Variants in CPNE4 observed in about 807,000 individuals in gnomAD.
The protein encoded by CPNE4 is copine 4, also known as copine-4.
CPNE4 carries 25 observed loss-of-function variants against 67.9 expected under a neutral mutation model. The observed-to-expected ratio is 0.37, with a 90% CI of 0.27 to 0.51. The LOEUF is 0.51. CPNE4 is among the 20% of genes least tolerant of loss of function. The pLI is 0.93. For synonymous variants in CPNE4, 242 were observed against 244.9 expected, an observed-to-expected ratio of 0.99 and a Z score of 0.11; for missense variants, 464 against 690.8, an observed-to-expected ratio of 0.67 and a Z score of 3.68.
chr3:131,798,514 A>G (rs1303093273), intron 2 of CPNE4, among the ~76,000 whole-genome samples: 1 of 152,200 alleles, frequency 6.6e-6, no homozygotes, highest in African/African-American at 2.4e-5. Context: ...TCTAAGTCTG[A>G]TGTTAAATGT....
At chr3:131,814,357 T>A (rs1273542209) in intron 2 of CPNE4, among the ~76,000 whole-genome samples, 1 of 151,928 alleles carries the variant, frequency 6.6e-6, no homozygotes, top group African/African-American at 2.4e-5. Context: ...AAAACAGCAC[T>A]CTAGAGGGTC....
At chr3:131,720,284 GTTTTTTTTT>G (rs60028328) in intron 3 of CPNE4, among the ~76,000 whole-genome samples, 1 of 107,966 alleles carries the variant, frequency 9.3e-6, no homozygotes, top group African/African-American at 3.3e-5. Context: ...ACAGGAATGG[GTTTTTTTTT>G]TTTTTTTTTT....
At chr3:131,777,964 A>G (rs1187814928) in intron 2 of CPNE4, among the ~76,000 whole-genome samples, 2 of 152,078 alleles carry the variant, frequency 1.3e-5, no homozygotes, top group African/African-American at 2.4e-5. Context: ...CTGATTCTGT[A>G]TGATTCTGAC....
chr3:131,937,016 G>A (rs369967796), intron 1 of CPNE4, among the ~76,000 whole-genome samples: 2 of 151,868 alleles, frequency 1.3e-5, no homozygotes, highest in African/African-American at 4.8e-5. Context: ...AAAGATTAGA[G>A]AGACAATGAA....
intron 2 of CPNE4, among the ~76,000 whole-genome samples, chr3:131,736,103 T>C (rs1235603830): frequency 6.6e-6 from 1 of 152,208 alleles, no homozygotes; most frequent in East Asian, 1.9e-4. Context: ...CACACAGCTT[T>C]GTTCAGGCAT....
intron 1 of CPNE4, among the ~76,000 whole-genome samples, chr3:131,920,486 G>C (rs1403550125): frequency 6.6e-6 from 1 of 152,116 alleles, no homozygotes; most frequent in Non-Finnish European, 1.5e-5. Context: ...AAGGATCAAG[G>C]ACTGTTTGAC....
chr3:131,921,644 C>T (rs977129173), intron 1 of CPNE4, among the ~76,000 whole-genome samples: 11 of 152,158 alleles, frequency 7.2e-5, no homozygotes, highest in Non-Finnish European at 1.0e-4. Flanking sequence ...TTGGTTTCCT[C>T]ATCTGCAGAA....
At chr3:131,599,345 T>C (rs76358866) in intron 7 of CPNE4, among the ~76,000 whole-genome samples, 4,278 of 152,292 alleles carry the variant, frequency 0.028, 67 homozygotes, top group Middle Eastern at 0.051. Context: ...TTGATTATTG[T>C]CCCTTAATTT....
chr3:131,803,732 C>T (rs1221643903), intron 2 of CPNE4, among the ~76,000 whole-genome samples: 2 of 152,156 alleles, frequency 1.3e-5, no homozygotes, highest in African/African-American at 4.8e-5. Context: ...ATGTTTATTG[C>T]AGCACTATTT....
Position 131,876,239 on chromosome 3 carries a change from A to AAAATAAAT in CPNE4, c.180+29017_180+29024dup, listed in dbSNP as rs60812638. Among the ~76,000 whole-genome samples the AAAATAAAT allele has an allele frequency of 6.6e-3, 919 of 139,768 alleles. 9 individuals carry two copies. Among genetic ancestry groups the AAAATAAAT allele is most frequent in the African/African-American group, 9.8e-3 (376 of 38,194 alleles). The allele number at this position is 139,768 out of a possible 152,430, so 91.7% of individuals were successfully genotyped here. A position where few individuals can be genotyped will look rare whatever the true frequency, so the allele number is the denominator to read the frequency against. ...GGGCAACAGAGCAAGACTCGGTCTC[A>AAAATAAAT]AAATAAATAAATAAATAAATAAATA... On this transcript the variant is annotated intron_variant, in intron 2 of 15. Coordinates refer to ENST00000429747, the MANE Select transcript of CPNE4 (RefSeq NM_130808.3).
intron 2 of CPNE4, among the ~76,000 whole-genome samples, chr3:131,771,919 A>G (rs2083176553): frequency 6.6e-6 from 1 of 152,118 alleles, no homozygotes; most frequent in Non-Finnish European, 1.5e-5. Flanking sequence ...TTGTTTGAGC[A>G]CACACACATT....
At chr3:132,001,147 T>C (rs1172854084) in intron 1 of CPNE4, among the ~76,000 whole-genome samples, 1 of 151,986 alleles carries the variant, frequency 6.6e-6, no homozygotes, top group Non-Finnish European at 1.5e-5. Context: ...ATCTGAATAT[T>C]ATCACTGATC....
chr3:131,838,227 A>T (rs1393993344), intron 2 of CPNE4, among the ~76,000 whole-genome samples: 2 of 152,064 alleles, frequency 1.3e-5, no homozygotes, highest in Non-Finnish European at 2.9e-5. Context: ...TGACAAAATT[A>T]TAAGACATTC....
chr3:131,832,375 C>T (rs1197259267), intron 2 of CPNE4, among the ~76,000 whole-genome samples: 1 of 152,124 alleles, frequency 6.6e-6, no homozygotes, highest in Admixed American at 6.5e-5. Context: ...TCATCTACCT[C>T]ATGGTTTCAA....
chr3:131,747,242 T>C (rs183977784), intron 2 of CPNE4, among the ~76,000 whole-genome samples: 1 of 152,218 alleles, frequency 6.6e-6, no homozygotes, highest in Non-Finnish European at 1.5e-5. Context: ...CTCTTTGTTC[T>C]GTTGATTGAT....
intron 1 of CPNE4, among the ~76,000 whole-genome samples, chr3:131,917,707 T>A (rs2070606186): frequency 6.6e-6 from 1 of 152,090 alleles, no homozygotes; most frequent in South Asian, 2.1e-4. Context: ...AGACACAAGA[T>A]CTCTCCACTA....
At chr3:131,679,691 A>T (rs2080687358) in intron 6 of CPNE4, among the ~76,000 whole-genome samples, 1 of 152,062 alleles carries the variant, frequency 6.6e-6, no homozygotes. Flanking sequence ...ATTTACCCCA[A>T]AATCATTCAG....
intron 2 of CPNE4, 97 bp from the exon 3 acceptor site, chr3:131,723,722 C>G: frequency 2.7e-6 from 3 of 1,096,794 alleles, no homozygotes; most frequent in Non-Finnish European, 4.0e-6. Flanking sequence ...TCTTCCCAAC[C>G]ATAAATGCTC....
intron 2 of CPNE4, among the ~76,000 whole-genome samples, chr3:131,857,466 G>A (rs1197161473): frequency 2.0e-5 from 3 of 151,916 alleles, no homozygotes; most frequent in Non-Finnish European, 2.9e-5. Context: ...CTAAACAGTA[G>A]GATGCAGTAA....
Sources: gnomAD v4.1 joint callset for allele counts (sites outside exome capture counted in the v4.1 genomes callset) on GRCh38, gnomAD v4.1.1 for gene constraint, MANE v1.5 for transcripts, NCBI Gene and HGNC (gene_info 2026-07-23, HGNC 2026-07-21) for gene names.